CTNNA1: variants seen among roughly 807,000 people sequenced by gnomAD.
CTNNA1 encodes the protein catenin alpha 1.
A neutral mutation model predicts 98.4 loss-of-function variants in CTNNA1; 37 were observed. That is an observed-to-expected ratio of 0.38 (90% CI 0.29 to 0.49). CTNNA1 has a LOEUF of 0.49. Ranked by LOEUF, CTNNA1 falls within the 20% of genes least tolerant of loss-of-function variation. CTNNA1 has a pLI of 0.95. For synonymous variants in CTNNA1, 404 were observed against 413.2 expected (o/e 0.98, Z 0.27); for missense variants, 761 against 1,147.2 (o/e 0.66, Z 4.86).
rs190479193 is a variant in CTNNA1 at position 138,908,886 on chromosome 5, C to T, written c.1389+4445C>T. 6.3e-4 allele frequency among the ~76,000 whole-genome samples: 96 copies of T among 152,192 alleles called. No homozygotes were observed. In the East Asian group the frequency reaches 0.017, roughly 27 times the overall value. On this transcript the variant is annotated intron_variant, in intron 10 of 17. Transcript: ENST00000302763. ...CCATCCGAGCAGAGCGCCCCGGTCT[C>T]ACAAACTTTTACGAGGAAGCAGTTT...
intron 7 of CTNNA1, among the ~76,000 whole-genome samples, chr5:138,851,453 C>T (rs1038864438): frequency 1.3e-5 from 2 of 152,086 alleles, no homozygotes; most frequent in Non-Finnish European, 2.9e-5. Context: ...GAGGTGTACA[C>T]GTGGTTAACA....
intron 9 of CTNNA1, among the ~76,000 whole-genome samples, chr5:138,893,369 G>C (rs1022160480): frequency 2.0e-5 from 3 of 151,926 alleles, no homozygotes; most frequent in Non-Finnish European, 4.4e-5. Flanking sequence ...CATCATGTTC[G>C]TTCCTATCAG....
intron 3 of CTNNA1, among the ~76,000 whole-genome samples, chr5:138,798,957 C>T (rs1026879332): frequency 2.0e-5 from 3 of 151,852 alleles, no homozygotes; most frequent in Non-Finnish European, 4.4e-5. Context: ...TAAATTTAAA[C>T]TAACAGGTAT....
intron 6 of CTNNA1, 139 bp from the exon 7 acceptor site, chr5:138,827,376 A>T: frequency 1.1e-6 from 1 of 918,822 alleles, no homozygotes; most frequent in Non-Finnish European, 1.7e-6. Context: ...ACAGCCCCTT[A>T]CCTGCTAAGA....
intron 16 of CTNNA1, 27 bp from the exon 17 acceptor site, chr5:138,932,551 T>A: frequency 1.9e-6 from 3 of 1,612,664 alleles, no homozygotes; most frequent in Non-Finnish European, 2.5e-6. Context: ...GCCAGGATAC[T>A]TGGTGTTAAG....
chr5:138,887,543 T>C lies in CTNNA1; in HGVS notation c.1197T>C (p.Val399=). The C allele has an allele frequency of 3.1e-6, 5 of 1,611,620 alleles. No individual in the cohort carries two copies. The South Asian group carries it at 3.3e-5, about 11-fold the overall frequency. The change falls in exon 9 of 18, where the codon GTT becomes GTC. Residue 399 remains valine (V), a synonymous_variant. Coordinates refer to ENST00000302763, the MANE Select transcript of CTNNA1 (RefSeq NM_001903.5). The part of the protein sequence containing the change: ...HVSDSFLETN[V]PLLVLIEAAK... The stretch of plus-strand genomic sequence containing the variant: ...CAGATTCTTTCCTGGAAACCAATGT[T>C]CCACTTTTGGTATTGATTGAAGCTG...
intron 7 of CTNNA1, among the ~76,000 whole-genome samples, chr5:138,858,585 T>TTTCTTC (rs1763945475): frequency 1.5e-5 from 1 of 67,694 alleles, no homozygotes; most frequent in Non-Finnish European, 2.8e-5. Context: ...TTTTTTTCTT[T>TTTCTTC]TTCTTTTTCT....
intron 1 of CTNNA1, among the ~76,000 whole-genome samples, chr5:138,781,163 G>A (rs1279324063): frequency 6.6e-6 from 1 of 152,202 alleles, no homozygotes; most frequent in Non-Finnish European, 1.5e-5. Flanking sequence ...AAAAAATGAA[G>A]TGAAGCATAC....
chr5:138,924,115 T>C (rs1188519092), intron 11 of CTNNA1, among the ~76,000 whole-genome samples: 2 of 152,318 alleles, frequency 1.3e-5, no homozygotes, highest in South Asian at 2.1e-4. Flanking sequence ...CAGTGGACTT[T>C]TGTTCTAATT....
At chr5:138,802,484 T>TG (rs1342928829) in intron 3 of CTNNA1, among the ~76,000 whole-genome samples, 3 of 152,206 alleles carry the variant, frequency 2.0e-5, no homozygotes, top group South Asian at 2.1e-4. Context: ...GACAAAATTT[T>TG]GGGGGGTCTT....
At chr5:138,920,376 G>GTAAA (rs1762674808) in intron 11 of CTNNA1, among the ~76,000 whole-genome samples, 3 of 152,258 alleles carry the variant, frequency 2.0e-5, no homozygotes, top group Admixed American at 2.0e-4. Context: ...GTCACGGGCA[G>GTAAA]TATTTAGATG....
intron 1 of CTNNA1, among the ~76,000 whole-genome samples, chr5:138,768,415 C>T (rs529567721): frequency 6.6e-6 from 1 of 152,068 alleles, no homozygotes; most frequent in Admixed American, 6.5e-5. Flanking sequence ...CACACCACCA[C>T]ACCCAGCTAA....
intron 3 of CTNNA1, among the ~76,000 whole-genome samples, chr5:138,785,455 T>C (rs1420288715): frequency 1.3e-5 from 2 of 152,232 alleles, no homozygotes; most frequent in Non-Finnish European, 2.9e-5. Flanking sequence ...TATTCTGTGG[T>C]ACATTCTCCT....
chr5:138,841,741 A>C (rs112295187), intron 7 of CTNNA1, among the ~76,000 whole-genome samples: 17 of 152,164 alleles, frequency 1.1e-4, no homozygotes, highest in African/African-American at 3.4e-4. Context: ...ATATCCTACA[A>C]GTATTACTTT....
In CTNNA1 at chr5:138,925,250, CCA is replaced by C; in HGVS notation, c.1748-3_1748-2del. 4 of 1,613,322 alleles carry C rather than the reference CCA, an allele frequency of 2.5e-6. No homozygotes were observed. The highest frequency in any genetic ancestry group is 3.4e-6 in the Non-Finnish European group (4 of 1,179,716). On this transcript the variant is annotated splice_polypyrimidine_tract_variant and splice_region_variant and intron_variant, in intron 12 of 17. Transcript: ENST00000302763. ...CAGGGTATCTACTGTGCCTCTTTCTCCACAGTCATGCCACGTTTTACTGAGCA... is the reference window on the plus strand; with the variant it reads ...CAGGGTATCTACTGTGCCTCTTTCTCCAGTCATGCCACGTTTTACTGAGCA...
At chr5:138,898,538 A>G (rs1757387636) in intron 9 of CTNNA1, among the ~76,000 whole-genome samples, 1 of 151,746 alleles carries the variant, frequency 6.6e-6, no homozygotes, top group Non-Finnish European at 1.5e-5. Context: ...TGATTACAAG[A>G]TCATCTGAGT....
rs199670010 is a variant in CTNNA1, at chr5:138,824,542, G to C, written c.601G>C (p.Val201Leu). 1.2e-6 allele frequency: 2 copies of C among 1,613,744 alleles called. No homozygotes were observed. Among genetic ancestry groups the C allele is most frequent in the Non-Finnish European group, 1.7e-6 (2 of 1,179,638 alleles). The change falls in exon 6 of 18, where the codon GTT (valine) becomes CTT (leucine). Residue 201 changes from valine to leucine, a missense_variant. Val to Leu is a conservative substitution (Grantham distance 32). Coordinates refer to ENST00000302763, the MANE Select transcript of CTNNA1 (RefSeq NM_001903.5). ...TTTACTCTTGTAGGAATTGAAAGAT[G>C]TTGGCCATCGTGATCAGATGGCTGC... ...AAKRQQELKD[V>L]GHRDQMAAAR...
chr5:138,932,730 A>G lies in CTNNA1; in HGVS notation c.2433+18A>G, dbSNP rs373660921. 3 of 1,613,640 alleles carry G rather than the reference A, an allele frequency of 1.9e-6. No homozygotes were observed. The African/African-American group carries it at 4.0e-5, about 22-fold the overall frequency. On this transcript the variant is annotated intron_variant, in intron 17 of 17. Coordinates refer to ENST00000302763, the MANE Select transcript of CTNNA1 (RefSeq NM_001903.5). ...TCTCTGGGGTAAGCATTAGCTGAAC[A>G]AAAAGAGGGCCAGTGGGAACGTGCT...
intron 3 of CTNNA1, among the ~76,000 whole-genome samples, chr5:138,793,299 G>A (rs57804887): frequency 0.012 from 1,843 of 152,268 alleles, 41 homozygotes; most frequent in African/African-American, 0.037. Flanking sequence ...TATTTTCTTT[G>A]ACTTGGGATG....
Sources: gnomAD v4.1 joint callset for allele counts (sites outside exome capture counted in the v4.1 genomes callset) on GRCh38, gnomAD v4.1.1 for gene constraint, MANE v1.5 for transcripts, NCBI Gene and HGNC (gene_info 2026-07-23, HGNC 2026-07-21) for gene names.